The following GPSM2 variants were observed in gnomAD, a reference collection of about 807,000 sequenced individuals.
The protein encoded by GPSM2 is G protein-signaling modulator 2.
In GPSM2, 58 loss-of-function variants were observed where a neutral mutation model predicts 78.4. The observed-to-expected ratio is 0.74, with a 90% CI of 0.60 to 0.92. The LOEUF (loss-of-function observed/expected upper bound fraction) is 0.92. Ranked by LOEUF, GPSM2 falls within the 40% of genes least tolerant of loss-of-function variation. The probability of loss-of-function intolerance (pLI) is 0.00; values close to 1 mark genes in which losing one functional copy is unlikely to be tolerated. For synonymous variants in GPSM2, 224 were observed against 280.2 expected, an observed-to-expected ratio of 0.80 and a Z score of 2.00; for missense variants, 700 against 815.5, an observed-to-expected ratio of 0.86 and a Z score of 1.73.
intron 10 of GPSM2, 58 bp from the exon 11 acceptor site, chr1:108,914,280 T>C: frequency 8.8e-7 from 1 of 1,132,502 alleles, no homozygotes; most frequent in Non-Finnish European, 1.3e-6. Flanking sequence ...GTAATGATGC[T>C]GAACTTGTAC....
intron 14 of GPSM2, 73 bp from the exon 15 acceptor site, chr1:108,929,628 A>T: frequency 2.8e-6 from 4 of 1,404,544 alleles, no homozygotes; most frequent in Non-Finnish European, 1.0e-6. Flanking sequence ...TCTTGTTGTG[A>T]CTGAGAGATT....
chr1:108,906,450 A>G lies in GPSM2; in HGVS notation c.1192+2196A>G, dbSNP rs957261582. 3.9e-5 allele frequency among the ~76,000 whole-genome samples: 6 copies of G among 151,908 alleles called. No individual in the cohort carries two copies. The South Asian group carries it at 1.0e-3, about 26-fold the overall frequency. On this transcript the variant is annotated intron_variant, in intron 10 of 14. Coordinates refer to ENST00000264126, the MANE Select transcript of GPSM2 (RefSeq NM_013296.5). Reference sequence around the variant, plus strand: ...CTACAGTGTACTCTGCAACAATCTTAGTATAAGCTACCGACAGCTCCCAGC... The same window carrying G: ...CTACAGTGTACTCTGCAACAATCTTGGTATAAGCTACCGACAGCTCCCAGC...
rs1423780613 is a variant in GPSM2, at chr1:108,898,120, G to A, written c.557+19G>A. The A allele has an allele frequency of 1.2e-6, 2 of 1,611,058 alleles. No homozygotes were observed. The highest frequency in any genetic ancestry group is 1.7e-6 in the Non-Finnish European group (2 of 1,177,346). On this transcript the variant is annotated intron_variant, in intron 5 of 14. Coordinates refer to ENST00000264126, the MANE Select transcript of GPSM2 (RefSeq NM_013296.5). ...TTTATGAGTGAGTAGGGGCTGATAT[G>A]GGCAGTCATGTAGGCCCATCTAAGC...
intron 10 of GPSM2, among the ~76,000 whole-genome samples, 183 bp downstream of exon 10, chr1:108,904,437 T>A (rs559793051): frequency 6.7e-6 from 1 of 148,180 alleles, no homozygotes; most frequent in Non-Finnish European, 1.5e-5. Context: ...TTGTATATAA[T>A]ATATATATAA....
At chr1:108,884,991 A>T (rs537281491) in intron 1 of GPSM2, among the ~76,000 whole-genome samples, 1 of 152,202 alleles carries the variant, frequency 6.6e-6, no homozygotes, top group Admixed American at 6.5e-5. Flanking sequence ...TTGTTTTTAG[A>T]TGCTAATATG....
In GPSM2 at chr1:108,881,722, G is replaced by A. The variant is rs968257508; in HGVS notation, c.-248-3553G>A. Among the ~76,000 whole-genome samples the A allele has an allele frequency of 3.3e-5, 5 of 152,306 alleles. No individual in the cohort carries two copies. The South Asian group carries it at 1.0e-3, about 32-fold the overall frequency. The stretch of plus-strand genomic sequence containing the variant: ...ATTATAAATTGCTCTTATTGAAATA[G>A]TGAATAGCATTCTGTCTTCTTGCTT... On this transcript the variant is annotated intron_variant, in intron 1 of 14. Coordinates refer to ENST00000264126, the MANE Select transcript of GPSM2 (RefSeq NM_013296.5).
intron 1 of GPSM2, among the ~76,000 whole-genome samples, chr1:108,880,967 A>G (rs1665864944): frequency 6.6e-6 from 1 of 152,224 alleles, no homozygotes; most frequent in Non-Finnish European, 1.5e-5. Context: ...AGTGGAGTAA[A>G]GCAGGGCTAG....
intron 10 of GPSM2, among the ~76,000 whole-genome samples, chr1:108,906,192 C>T (rs1649203496): frequency 6.6e-6 from 1 of 151,992 alleles, no homozygotes; most frequent in Non-Finnish European, 1.5e-5. Context: ...ACTAATCAGG[C>T]CAAAAAACTA....
chr1:108,910,393 A>T (rs990565724), intron 10 of GPSM2, among the ~76,000 whole-genome samples: 38 of 152,332 alleles, frequency 2.5e-4, no homozygotes, highest in Middle Eastern at 3.4e-3. Context: ...CAAAAATTTT[A>T]TAGGCAACTG....
intron 2 of GPSM2, among the ~76,000 whole-genome samples, chr1:108,891,117 T>A (rs1001150901): frequency 1.3e-5 from 2 of 152,238 alleles, no homozygotes; most frequent in African/African-American, 2.4e-5. Flanking sequence ...ATTATTGACG[T>A]TGAAAGATGG....
chr1:108,928,113 C>A (rs1349940399), intron 14 of GPSM2, among the ~76,000 whole-genome samples: 2 of 152,182 alleles, frequency 1.3e-5, no homozygotes, highest in East Asian at 3.8e-4. Context: ...ACATTATCAA[C>A]AGTAAAAAGG....
At position 108,897,610 on chromosome 1, in the gene GPSM2, A is replaced by G; in HGVS notation, c.397A>G (p.Arg133Gly). Residue 133 changes from arginine (R) to glycine (G), a missense_variant, in exon 4 of 15, where the codon AGA becomes GGA. Physicochemically the swap from Arg to Gly is moderately radical, Grantham distance 125. Coordinates refer to ENST00000264126, the MANE Select transcript of GPSM2 (RefSeq NM_013296.5). ...TTGTCAGCGACACCTAGATATTTCC[A>G]GAGAGCTTAATGACAAGGTAATACC... ...VCCQRHLDIS[R>G]ELNDKVGEAR... 2 of 1,613,784 alleles carry G rather than the reference A, an allele frequency of 1.2e-6. No homozygotes were observed. Among genetic ancestry groups the G allele is most frequent in the Non-Finnish European group, 8.5e-7 (1 of 1,179,724 alleles).
At chr1:108,922,070 A>G (rs1017341172) in intron 12 of GPSM2, among the ~76,000 whole-genome samples, 61 of 150,548 alleles carry the variant, frequency 4.1e-4, no homozygotes, top group Admixed American at 9.9e-4. Flanking sequence ...TAGCTCTTAC[A>G]AAGAGATAAG....
Position 108,929,795 on chromosome 1 carries a change from G to A in GPSM2, c.1910G>A (p.Arg637Gln), listed in dbSNP as rs765367400. The change falls in exon 15 of 15, where the codon CGG (arginine) becomes CAG (glutamine). Residue 637 changes from arginine (R) to glutamine (Q), a missense_variant. Physicochemically the swap from Arg to Gln is conservative, Grantham distance 43. Coordinates refer to ENST00000264126, the MANE Select transcript of GPSM2 (RefSeq NM_013296.5). ...GAAGACTTTTTCAGCCTTATTTTAC[G>A]GTCCCAGGGAAAGAGAATGGATGAA... ...PDEDFFSLIL[R>Q]SQGKRMDEQR... The A allele has an allele frequency of 4.0e-5, 64 of 1,613,818 alleles. No homozygotes were observed. Among genetic ancestry groups the A allele is most frequent in the Non-Finnish European group, 5.2e-5 (61 of 1,179,902 alleles).
At chr1:108,927,646 G>A (rs1769731) in intron 14 of GPSM2, among the ~76,000 whole-genome samples, 54,252 of 151,808 alleles carry the variant, frequency 0.36, 11,286 homozygotes, top group African/African-American at 0.57. Flanking sequence ...CTCAAAGTGG[G>A]CCAAAGACCT....
chr1:108,905,588 T>C (rs1003502714), intron 10 of GPSM2, among the ~76,000 whole-genome samples: 2 of 152,186 alleles, frequency 1.3e-5, no homozygotes, highest in Admixed American at 6.5e-5. Context: ...CTTTATTCTC[T>C]TCTCTCCTCT....
intron 7 of GPSM2, among the ~76,000 whole-genome samples, chr1:108,901,273 G>C (rs561878724): frequency 2.6e-5 from 4 of 152,286 alleles, no homozygotes; most frequent in African/African-American, 7.2e-5. Flanking sequence ...GGTAATGTTT[G>C]GATGTAGTAT....
chr1:108,917,176 A>G (rs1169668741), intron 11 of GPSM2, among the ~76,000 whole-genome samples: 1 of 152,180 alleles, frequency 6.6e-6, no homozygotes, highest in Non-Finnish European at 1.5e-5. Context: ...TCTCTAAACA[A>G]TAGACCACGA....
Position 108,915,216 on chromosome 1 carries a change from C to A in GPSM2, c.1263+808C>A, listed in dbSNP as rs1000391445. On this transcript the variant is annotated intron_variant, in intron 11 of 14. Coordinates refer to ENST00000264126, the MANE Select transcript of GPSM2 (RefSeq NM_013296.5). ...TGAAACCCTGTCTTTACTAAAAATA[C>A]AAAAATTAGCTGGGTGTGGTGGTGT... 5.3e-5 allele frequency among the ~76,000 whole-genome samples: 8 copies of A among 151,002 alleles called. 1 individual carries two copies. The highest frequency in any genetic ancestry group is 3.3e-4 in the Admixed American group (5 of 15,148).
Sources: gnomAD v4.1 joint callset for allele counts (sites outside exome capture counted in the v4.1 genomes callset) on GRCh38, gnomAD v4.1.1 for gene constraint, MANE v1.5 for transcripts, NCBI Gene and HGNC (gene_info 2026-07-23, HGNC 2026-07-21) for gene names.